AMBRA1: variants seen among roughly 807,000 people sequenced by gnomAD.
AMBRA1 encodes activating molecule in BECN1-regulated autophagy protein 1.
AMBRA1 carries 47 observed loss-of-function variants against 125.4 expected under a neutral mutation model. That is an observed-to-expected ratio of 0.37 (90% CI 0.30 to 0.48). AMBRA1 has a LOEUF of 0.48. AMBRA1 is among the 20% of genes least tolerant of loss of function. The probability of loss-of-function intolerance (pLI) is 0.99; values close to 1 mark genes in which losing one functional copy is unlikely to be tolerated. For missense variants in AMBRA1, 1,331 were observed against 1,693.4 expected, an observed-to-expected ratio of 0.79 and a Z score of 3.76; for synonymous variants, 626 against 655.5, an observed-to-expected ratio of 0.95 and a Z score of 0.69.
intron 1 of AMBRA1, among the ~76,000 whole-genome samples, chr11:46,559,710 A>G (rs1010557135): frequency 6.6e-6 from 1 of 152,218 alleles, no homozygotes; most frequent in Non-Finnish European, 1.5e-5. Context: ...AACAAGAATC[A>G]GTGATTTAAT....
At chr11:46,413,222 TG>T (rs1348955491) in intron 15 of AMBRA1, among the ~76,000 whole-genome samples, 9 of 152,224 alleles carry the variant, frequency 5.9e-5, no homozygotes, top group Admixed American at 6.5e-5. Flanking sequence ...GCTGTGACCT[TG>T]GCTACTGACT....
intron 9 of AMBRA1, among the ~76,000 whole-genome samples, chr11:46,501,892 G>A (rs1950855643): frequency 6.6e-6 from 1 of 152,026 alleles, no homozygotes; most frequent in Non-Finnish European, 1.5e-5. Context: ...CATTATAGTA[G>A]TTTCGCTTAA....
chr11:46,555,268 A>G (rs2135218224), intron 1 of AMBRA1, among the ~76,000 whole-genome samples: 1 of 152,334 alleles, frequency 6.6e-6, no homozygotes, highest in South Asian at 2.1e-4. Flanking sequence ...TCTAGAGAGT[A>G]TGCCACAACC....
intron 11 of AMBRA1, among the ~76,000 whole-genome samples, chr11:46,456,195 A>C (rs545736439): frequency 6.6e-6 from 1 of 152,356 alleles, no homozygotes; most frequent in African/African-American, 2.4e-5. Context: ...GTATTCCAAA[A>C]AACGTAGTGT....
intron 8 of AMBRA1, among the ~76,000 whole-genome samples, chr11:46,509,455 T>C (rs1200430598): frequency 6.6e-6 from 1 of 152,182 alleles, no homozygotes; most frequent in African/African-American, 2.4e-5. Flanking sequence ...TACTAGAAAC[T>C]TTATCCTACA....
At chr11:46,590,138 C>T (rs991848980) in intron 1 of AMBRA1, among the ~76,000 whole-genome samples, 2 of 151,372 alleles carry the variant, frequency 1.3e-5, no homozygotes, top group Non-Finnish European at 2.9e-5. Flanking sequence ...TTTGGGAGGC[C>T]GAGGTGGGCA....
rs1952793244 is a variant in AMBRA1 at position 46,542,389 on chromosome 11, G to A, written c.1628C>T (p.Pro543Leu). 6.2e-7 allele frequency: 1 copy of A among 1,614,092 alleles called. No individual in the cohort carries two copies. The highest frequency in any genetic ancestry group is 1.1e-5 in the South Asian group (1 of 91,078). ...MLNNNIESER[P>L]GPSHQPTPHS... ...TGGGGTGGGCTGGTGGGAAGGGCCTGGCCTCTCAGATTCAATGTTATTGTT... is the reference window on the plus strand; with the variant it reads ...TGGGGTGGGCTGGTGGGAAGGGCCTAGCCTCTCAGATTCAATGTTATTGTT... Residue 543 changes from proline (P) to leucine (L), a missense_variant, in exon 7 of 18, where the codon CCA (proline) becomes CTA (leucine). By Grantham distance (98) the Pro-to-Leu change is moderately conservative (BLOSUM62 -3). This residue lies in a region of AMBRA1 where 689 missense variants were observed against 776.5 expected (regional missense o/e 0.89). Transcript: ENST00000683756. The surrounding 1 kb of genome is among the most constrained non-coding windows in gnomAD (Gnocchi z 5.9).
rs58268270 is a variant in AMBRA1, at chr11:46,547,884, CAAAAAAAA to C, written c.136-17_136-10del. ...TCCGGCAGTTCTACTCTCTGGGAGA[CAAAAAAAA>C]AAAAAAAGTTAAAATACATGATTTG... On this transcript the variant is annotated splice_polypyrimidine_tract_variant and intron_variant, in intron 2 of 17. Coordinates refer to ENST00000683756, the MANE Select transcript of AMBRA1 (RefSeq NM_001387011.1). 16 of 1,423,888 alleles carry C rather than the reference CAAAAAAAA, an allele frequency of 1.1e-5. No individual in the cohort carries two copies. The African/African-American group carries it at 2.5e-4, about 22-fold the overall frequency. The allele number at this position is 1,423,888 out of a possible 1,614,324, so 88.2% of individuals were successfully genotyped here. A position where few individuals can be genotyped will look rare whatever the true frequency, so the allele number is the denominator to read the frequency against.
chr11:46,442,753 A>T (rs777317255), intron 12 of AMBRA1, among the ~76,000 whole-genome samples: 12 of 152,276 alleles, frequency 7.9e-5, no homozygotes, highest in Admixed American at 2.0e-4. Flanking sequence ...TGCCACAGAC[A>T]TAGAATATCT....
chr11:46,557,110 T>C (rs1167960869), intron 1 of AMBRA1, among the ~76,000 whole-genome samples: 2 of 149,584 alleles, frequency 1.3e-5, no homozygotes, highest in Non-Finnish European at 3.0e-5. Flanking sequence ...TACTCCAGCC[T>C]GGGCAACAAG....
chr11:46,429,014 A>G, intron 14 of AMBRA1: 1 of 1,612,060 alleles, frequency 6.2e-7, no homozygotes. Flanking sequence ...CATGGCCTTC[A>G]TGACATGAAG....
rs574387935 is a variant in AMBRA1, at chr11:46,580,637, G to C, written c.-121+13191C>G. On this transcript the variant is annotated intron_variant, in intron 1 of 17. Coordinates refer to ENST00000683756, the MANE Select transcript of AMBRA1 (RefSeq NM_001387011.1). ...CTGTCCTAATTCTAAAATATCTACTGAATCTTTCTACTTCTATCTCCACTG... is the reference window on the plus strand; with the variant it reads ...CTGTCCTAATTCTAAAATATCTACTCAATCTTTCTACTTCTATCTCCACTG... Among the ~76,000 whole-genome samples the C allele has an allele frequency of 2.6e-5, 4 of 152,228 alleles. No homozygotes were observed. The South Asian group carries it at 8.3e-4, about 32-fold the overall frequency.
intron 7 of AMBRA1, among the ~76,000 whole-genome samples, chr11:46,539,727 T>C (rs775762605): frequency 5.1e-4 from 77 of 152,286 alleles, no homozygotes; most frequent in African/African-American, 1.6e-3. Flanking sequence ...AAATGGAAAA[T>C]TGAATACCTG....
At chr11:46,462,992 G>A (rs1949161843) in intron 11 of AMBRA1, among the ~76,000 whole-genome samples, 1 of 152,056 alleles carries the variant, frequency 6.6e-6, no homozygotes, top group Non-Finnish European at 1.5e-5. Flanking sequence ...GGCCTCAAGT[G>A]ATCCACCTAC....
intron 11 of AMBRA1, among the ~76,000 whole-genome samples, chr11:46,483,739 C>T (rs1368464648): frequency 1.3e-5 from 2 of 151,940 alleles, no homozygotes; most frequent in Admixed American, 1.3e-4. Context: ...ATCTCTACTA[C>T]AAATACAAAA....
intron 11 of AMBRA1, among the ~76,000 whole-genome samples, chr11:46,490,009 A>C (rs183429449): frequency 1.3e-5 from 2 of 152,292 alleles, no homozygotes; most frequent in Admixed American, 1.3e-4. Flanking sequence ...ACAGAATGGA[A>C]ATGCTACCAC....
At chr11:46,528,918 G>GA (rs1406019263) in intron 7 of AMBRA1, among the ~76,000 whole-genome samples, 1 of 152,096 alleles carries the variant, frequency 6.6e-6, no homozygotes, top group African/African-American at 2.4e-5. Flanking sequence ...TGTAGGGGAG[G>GA]AAAAAAGCAG....
At chr11:46,399,662 G>GT (rs1175953718) in intron 17 of AMBRA1, among the ~76,000 whole-genome samples, 1 of 152,204 alleles carries the variant, frequency 6.6e-6, no homozygotes, top group Non-Finnish European at 1.5e-5. Flanking sequence ...ACCGTGCCTG[G>GT]TCAGAAGCTG....
intron 17 of AMBRA1, among the ~76,000 whole-genome samples, chr11:46,404,837 T>C (rs1945931361): frequency 6.6e-6 from 1 of 152,162 alleles, no homozygotes; most frequent in Admixed American, 6.5e-5. Flanking sequence ...AAGGAACTTA[T>C]AATTGACTAG....
Sources: gnomAD v4.1 joint callset for allele counts (sites outside exome capture counted in the v4.1 genomes callset) on GRCh38, gnomAD v4.1.1 for gene constraint, gnomAD v4.1.1 regional missense constraint, Gnocchi (gnomAD v3.1) non-coding constraint, MANE v1.5 for transcripts, NCBI Gene and HGNC (gene_info 2026-07-23, HGNC 2026-07-21) for gene names.